Variants in SPINT1 observed in about 807,000 individuals in gnomAD.
SPINT1 encodes the protein kunitz-type protease inhibitor 1.
Under a neutral mutation model 53.7 loss-of-function variants are expected in SPINT1, and 38 were observed. That is an observed-to-expected ratio of 0.71 (90% CI 0.55 to 0.93). The LOEUF (loss-of-function observed/expected upper bound fraction) is 0.93, where lower values mean the gene tolerates loss of function less well. SPINT1 is among the 40% of genes least tolerant of loss of function. The pLI is 0.00. For synonymous variants in SPINT1, 283 were observed against 280.6 expected, an observed-to-expected ratio of 1.01 and a Z score of -0.08; for missense variants, 645 against 692.9, an observed-to-expected ratio of 0.93 and a Z score of 0.78.
At position 40,854,494 on chromosome 15, in the gene SPINT1, C is replaced by T. The variant is rs370860535; in HGVS notation, c.1038C>T (p.Asp346=). 6.5e-5 allele frequency: 105 copies of T among 1,613,258 alleles called. No homozygotes were observed. Among genetic ancestry groups the T allele is most frequent in the Admixed American group, 1.2e-4 (7 of 59,822 alleles). Residue 346 remains aspartate (D), a synonymous_variant, in exon 7 of 11, where the codon GAC becomes GAT. Coordinates refer to ENST00000562057, the MANE Select transcript of SPINT1 (RefSeq NM_003710.4). ...LECDDTPNCP[D]ASDEAACEKY... ...GTGACGACACCCCCAACTGCCCCGACGCCTCCGACGAGGCTGCCTGTGAAA... is the reference window on the plus strand; with the variant it reads ...GTGACGACACCCCCAACTGCCCCGATGCCTCCGACGAGGCTGCCTGTGAAA...
At chr15:40,848,963 C>A (rs1346590852) in intron 2 of SPINT1, among the ~76,000 whole-genome samples, 1 of 146,360 alleles carries the variant, frequency 6.8e-6, no homozygotes, top group Admixed American at 6.8e-5. Flanking sequence ...GAAATGGGGT[C>A]GGGCCGGGCG....
chr15:40,854,628 CCT>C lies in SPINT1; in HGVS notation c.1067-6_1067-5del. ...TGTTGGGTCTGAGACTCTGACCTTT[CCT>C]CTCTGCAGACACGAGTGGCTTTGAC... is the stretch of plus-strand genomic sequence containing the variant. On this transcript the variant is annotated splice_polypyrimidine_tract_variant and intron_variant, in intron 7 of 10. Transcript: ENST00000562057. The C allele has an allele frequency of 2.5e-6, 4 of 1,614,244 alleles. No homozygotes were observed. Among genetic ancestry groups the C allele is most frequent in the Non-Finnish European group, 3.4e-6 (4 of 1,180,044 alleles).
intron 2 of SPINT1, among the ~76,000 whole-genome samples, chr15:40,851,989 C>T (rs567092463): frequency 6.6e-6 from 1 of 152,298 alleles, no homozygotes; most frequent in South Asian, 2.1e-4. Flanking sequence ...CCACTGCACT[C>T]CAGCCTGGAT....
chr15:40,846,110 T>C (rs1172773628), intron 2 of SPINT1, among the ~76,000 whole-genome samples: 2 of 152,186 alleles, frequency 1.3e-5, no homozygotes, highest in Non-Finnish European at 2.9e-5. Flanking sequence ...CAGGTGTGTG[T>C]GCATGCGCAT....
chr15:40,851,926 CAGG>C (rs1891471041), intron 2 of SPINT1, among the ~76,000 whole-genome samples: 3 of 152,356 alleles, frequency 2.0e-5, no homozygotes, highest in South Asian at 4.1e-4. Context: ...GAGGCTGAGG[CAGG>C]AGAATCGCTT....
intron 2 of SPINT1, among the ~76,000 whole-genome samples, chr15:40,849,396 C>T (rs2142007179): frequency 6.6e-6 from 1 of 152,290 alleles, no homozygotes; most frequent in Middle Eastern, 3.4e-3. Flanking sequence ...GCCATCACAC[C>T]ATCACACCTA....
At chr15:40,849,089 A>T (rs1203796455) in intron 2 of SPINT1, among the ~76,000 whole-genome samples, 1 of 152,046 alleles carries the variant, frequency 6.6e-6, no homozygotes, top group Non-Finnish European at 1.5e-5. Context: ...TACTAAAAAT[A>T]CAAAAAATTA....
Position 40,853,785 on chromosome 15 carries a change from C to T in SPINT1, c.817C>T (p.Gln273Ter). Residue 273 changes from glutamine to a stop codon, truncating the protein, a stop_gained, in exon 5 of 11, where the codon CAG becomes TAG. Coordinates refer to ENST00000562057, the MANE Select transcript of SPINT1 (RefSeq NM_003710.4). LOFTEE classifies it high-confidence loss of function. ...ACGCTGGTACTATGACCCCACGGAG[C>T]AGATCTGCAAGAGTTTCGTTTATGG... is the stretch of plus-strand genomic sequence containing the variant. ...FPRWYYDPTE[Q>*]ICKSFVYGGC... 3 of 1,614,238 alleles carry T rather than the reference C, an allele frequency of 1.9e-6. No homozygotes were observed. Among genetic ancestry groups the T allele is most frequent in the Non-Finnish European group, 2.5e-6 (3 of 1,180,038 alleles).
At position 40,844,158 on chromosome 15, in the gene SPINT1, A is replaced by C. The variant is rs1045776018; in HGVS notation, c.-94A>C. On this transcript the variant is annotated 5_prime_UTR_variant, in exon 1 of 11. Coordinates refer to ENST00000562057, the MANE Select transcript of SPINT1 (RefSeq NM_003710.4). This position sits in a 1 kb window ranked among gnomAD's most constrained non-coding sequence, Gnocchi z 5.8. ...GAAGCTGGGACCGGAACCTCGGCGG[A>C]CCCGGCCCCACCCAACTCACCTGCG... 2.6e-5 allele frequency: 11 copies of C among 430,910 alleles called. No homozygotes were observed. Among genetic ancestry groups the C allele is most frequent in the Middle Eastern group, 1.2e-3 (2 of 1,682 alleles). 26.7% of individuals were successfully genotyped at this position (430,910 alleles called of 1,614,324 possible).
chr15:40,844,738 G>A lies in SPINT1; in HGVS notation c.184G>A (p.Val62Met). ...CTTTACCGCCGGGGTGCCTGGCTTC[G>A]TGCTGGACACCAACGCCTCGGTCAG... Reference protein sequence around the residue: ...NSFTAGVPGFVLDTNASVSNG... With the variant: ...NSFTAGVPGFMLDTNASVSNG... Residue 62 changes from valine (V) to methionine (M), a missense_variant, in exon 2 of 11, where the codon GTG (valine) becomes ATG (methionine). Transcript: ENST00000562057. The surrounding 1 kb of genome is among the most constrained non-coding windows in gnomAD (Gnocchi z 5.8). The A allele has an allele frequency of 1.9e-6, 3 of 1,610,030 alleles. No homozygotes were observed. Among genetic ancestry groups the A allele is most frequent in the Non-Finnish European group, 2.5e-6 (3 of 1,177,596 alleles).
rs1891681743 is a variant in SPINT1, at chr15:40,857,378, G to A, written c.*403G>A. Reference sequence around the variant, plus strand: ...CATGCTGTGCGCCCAGGGCTGGGAGGAAGGACTTCCCTGTGTAGTTTGTGC... The same window carrying A: ...CATGCTGTGCGCCCAGGGCTGGGAGAAAGGACTTCCCTGTGTAGTTTGTGC... On this transcript the variant is annotated 3_prime_UTR_variant, in exon 11 of 11. Coordinates refer to ENST00000562057, the MANE Select transcript of SPINT1 (RefSeq NM_003710.4). 4.8e-6 allele frequency: 1 copy of A among 210,112 alleles called. No homozygotes were observed. Among genetic ancestry groups the A allele is most frequent in the Admixed American group, 5.6e-5 (1 of 17,896 alleles). The allele number at this position is 210,112 out of a possible 1,614,324, so 13.0% of individuals were successfully genotyped here.
In SPINT1 at chr15:40,844,233, C is replaced by T; in HGVS notation, c.-66+47C>T. The T allele has an allele frequency of 2.2e-6, 1 of 457,922 alleles. No homozygotes were observed. The highest frequency in any genetic ancestry group is 4.0e-6 in the Non-Finnish European group (1 of 249,746). The allele number at this position is 457,922 out of a possible 1,614,324, so 28.4% of individuals were successfully genotyped here. On this transcript the variant is annotated intron_variant, in intron 1 of 10. Coordinates refer to ENST00000562057, the MANE Select transcript of SPINT1 (RefSeq NM_003710.4). The surrounding 1 kb of genome is among the most constrained non-coding windows in gnomAD (Gnocchi z 5.8). Reference sequence around the variant, plus strand: ...AAGGCCGAGGCGCAGGCGGAGCGGGCTGGAGCATGTCCGGCCCTTTGTTCT... The same window carrying T: ...AAGGCCGAGGCGCAGGCGGAGCGGGTTGGAGCATGTCCGGCCCTTTGTTCT...
rs768716685 is a variant in SPINT1 at position 40,853,148 on chromosome 15, C to T, written c.500C>T (p.Ala167Val). Reference sequence around the variant, plus strand: ...GGGTCTGGGATCCCCAAGGCCTGGGCAGGCATAGACTTGAAGGTACAACCC... The same window carrying T: ...GGGTCTGGGATCCCCAAGGCCTGGGTAGGCATAGACTTGAAGGTACAACCC... ...FGGSGIPKAW[A>V]GIDLKVQPQE... Residue 167 changes from alanine to valine, a missense_variant, in exon 3 of 11, where the codon GCA becomes GTA. By Grantham distance (64) the Ala-to-Val change is moderately conservative. Transcript: ENST00000562057. 1.2e-6 allele frequency: 2 copies of T among 1,614,072 alleles called. No homozygotes were observed. Among genetic ancestry groups the T allele is most frequent in the Admixed American group, 1.7e-5 (1 of 60,014 alleles).
chr15:40,854,798 G>A, intron 8 of SPINT1, 109 bp downstream of exon 8: 2 of 1,399,266 alleles, frequency 1.4e-6, no homozygotes, highest in Non-Finnish European at 2.0e-6. Flanking sequence ...GGGCCTGTGG[G>A]CACAAAGAGC....
intron 2 of SPINT1, among the ~76,000 whole-genome samples, chr15:40,852,062 G>C (rs147350003): frequency 3.8e-4 from 58 of 152,296 alleles, no homozygotes; most frequent in African/African-American, 1.4e-3. Context: ...TTCTTGCAGA[G>C]TTCTGGAGGC....
In SPINT1 at chr15:40,856,968, C is replaced by G. The variant is rs767732170; in HGVS notation, c.1535C>G (p.Pro512Arg). ...EHLVYNHTTR[P>R]L ...CTGGTCTATAACCACACCACGCGGC[C>G]CCTCTGAGCCTGGGTCTCACCGGCT... The change falls in exon 11 of 11, where the codon CCC becomes CGC. Residue 512 changes from proline to arginine, a missense_variant. Transcript: ENST00000562057. The G allele has an allele frequency of 1.2e-6, 2 of 1,613,960 alleles. No individual in the cohort carries two copies. Among genetic ancestry groups the G allele is most frequent in the Non-Finnish European group, 1.7e-6 (2 of 1,179,968 alleles).
intron 2 of SPINT1, among the ~76,000 whole-genome samples, chr15:40,850,511 C>T (rs1891425599): frequency 6.6e-6 from 1 of 152,246 alleles, no homozygotes; most frequent in African/African-American, 2.4e-5. Context: ...GCCTCTATTT[C>T]CAACCCTTGC....
chr15:40,856,571 T>C (rs1250207264), intron 10 of SPINT1, among the ~76,000 whole-genome samples, 199 bp from the exon 11 acceptor site: 2 of 152,140 alleles, frequency 1.3e-5, no homozygotes, highest in Non-Finnish European at 2.9e-5. Flanking sequence ...CGACTTGAGC[T>C]GAGACCTGAG....
Position 40,856,317 on chromosome 15 carries a change from A to C in SPINT1, c.1330A>C (p.Ser444Arg), listed in dbSNP as rs761140852. 1 of 1,614,060 alleles carries C rather than the reference A, an allele frequency of 6.2e-7. No individual in the cohort carries two copies. The highest frequency in any genetic ancestry group is 1.7e-5 in the Admixed American group (1 of 59,994). The change falls in exon 10 of 11, where the codon AGC becomes CGC. Residue 444 changes from serine to arginine, a missense_variant. Physicochemically the swap from Ser to Arg is moderately radical, Grantham distance 110 (BLOSUM62 -1). Coordinates refer to ENST00000562057, the MANE Select transcript of SPINT1 (RefSeq NM_003710.4). ...FGLRREIPIP[S>R]TGSVEMAVAV... ...CCTGAGGCGGGAAATCCCCATTCCC[A>C]GCACAGGTAAGCCCTGATCTGTCCT... is the stretch of plus-strand genomic sequence containing the variant.
Sources: allele counts gnomAD v4.1 joint callset (sites outside exome capture counted in the v4.1 genomes callset), GRCh38; gene constraint gnomAD v4.1.1; non-coding constraint Gnocchi (gnomAD v3.1); transcripts MANE v1.5; gene names NCBI Gene and HGNC (gene_info 2026-07-23, HGNC 2026-07-21).